Variants in IKZF2 observed in about 807,000 individuals in gnomAD.
The protein encoded by IKZF2 is zinc finger protein Helios.
In IKZF2, 15 loss-of-function variants were observed where a neutral mutation model predicts 49.2. That is an observed-to-expected ratio of 0.30 (90% CI 0.20 to 0.47). The LOEUF (loss-of-function observed/expected upper bound fraction) is 0.47, where lower values mean the gene tolerates loss of function less well. Among genes scored for constraint, IKZF2 ranks in the 20% least tolerant of loss-of-function variants. IKZF2 has a pLI of 1.00. For missense variants in IKZF2, 567 were observed against 664.6 expected, an observed-to-expected ratio of 0.85 and a Z score of 1.61; for synonymous variants, 227 against 221.4, an observed-to-expected ratio of 1.03 and a Z score of -0.23.
At chr2:213,079,548 G>T (rs1703695542) in intron 4 of IKZF2, among the ~76,000 whole-genome samples, 1 of 136,118 alleles carries the variant, frequency 7.3e-6, no homozygotes, top group East Asian at 2.2e-4. Context: ...GGGAAGGAAG[G>T]AGAAAGGGGA....
At chr2:213,053,381 TA>T (rs1700855174) in intron 5 of IKZF2, among the ~76,000 whole-genome samples, 1 of 152,200 alleles carries the variant, frequency 6.6e-6, no homozygotes. Flanking sequence ...TGGAATATCT[TA>T]TATTTCAATA....
intron 4 of IKZF2, among the ~76,000 whole-genome samples, chr2:213,120,774 G>A (rs1055322829): frequency 5.3e-5 from 8 of 151,974 alleles, no homozygotes; most frequent in South Asian, 2.1e-4. Flanking sequence ...AGACAGTCTC[G>A]TAGTAACCCA....
At chr2:213,131,081 T>C (rs1294327113) in intron 4 of IKZF2, among the ~76,000 whole-genome samples, 1 of 152,122 alleles carries the variant, frequency 6.6e-6, no homozygotes, top group African/African-American at 2.4e-5. Context: ...AGAATTCAAC[T>C]GAGGGGGAAT....
rs1695087470 is a variant in IKZF2 at position 213,003,647 on chromosome 2, G to A, written c.*3713C>T. ...TGGAGATAGGATGAAATAAAATTTG[G>A]AAGATAGTGAGAACATAATAATTTT... On this transcript the variant is annotated 3_prime_UTR_variant, in exon 9 of 9. Transcript: ENST00000434687. The A allele has an allele frequency of 6.6e-6, 1 of 151,538 alleles. No homozygotes were observed. The highest frequency in any genetic ancestry group is 1.5e-5 in the Non-Finnish European group (1 of 67,636). 9.4% of individuals were successfully genotyped at this position (151,538 alleles called of 1,614,324 possible). A position where few individuals can be genotyped will look rare whatever the true frequency, so the allele number is the denominator to read the frequency against.
At chr2:213,055,267 A>C (rs1047476299) in intron 5 of IKZF2, among the ~76,000 whole-genome samples, 1 of 152,014 alleles carries the variant, frequency 6.6e-6, no homozygotes, top group Non-Finnish European at 1.5e-5. Flanking sequence ...TTGTTTTTAG[A>C]ACTGTCGTTA....
intron 4 of IKZF2, among the ~76,000 whole-genome samples, chr2:213,143,286 AAG>A (rs2060935029): frequency 6.6e-6 from 1 of 151,958 alleles, no homozygotes; most frequent in Non-Finnish European, 1.5e-5. Flanking sequence ...ATTTTGAACA[AAG>A]ATAGAGATGA....
chr2:213,103,797 A>G (rs1329164558), intron 4 of IKZF2, among the ~76,000 whole-genome samples: 1 of 37,286 alleles, frequency 2.7e-5, no homozygotes, highest in Non-Finnish European at 5.6e-5. Flanking sequence ...AACAACTGTT[A>G]CAGAAATAAA....
chr2:213,089,249 C>T (rs1705022157), intron 4 of IKZF2, among the ~76,000 whole-genome samples: 1 of 152,144 alleles, frequency 6.6e-6, no homozygotes, highest in Non-Finnish European at 1.5e-5. Flanking sequence ...GTCCAACAGG[C>T]TCTACTTACA....
chr2:213,125,728 C>A (rs926898338), intron 4 of IKZF2, among the ~76,000 whole-genome samples: 1 of 151,924 alleles, frequency 6.6e-6, no homozygotes, highest in African/African-American at 2.4e-5. Flanking sequence ...ATAGAAACAA[C>A]CTAAATGTCC....
Position 213,136,490 on chromosome 2 carries a change from A to T in IKZF2, c.139+11218T>A, listed in dbSNP as rs191615078. Reference sequence around the variant, plus strand: ...GTAAAATAGTATTCAATAAATCTGAAGATATCATTTGTACATGAAAATGCC... The same window carrying T: ...GTAAAATAGTATTCAATAAATCTGATGATATCATTTGTACATGAAAATGCC... On this transcript the variant is annotated intron_variant, in intron 4 of 8. Coordinates refer to ENST00000434687, the MANE Select transcript of IKZF2 (RefSeq NM_001387220.1). Among the ~76,000 whole-genome samples, 14 of 152,190 alleles carry T rather than the reference A, an allele frequency of 9.2e-5. No homozygotes were observed. In the East Asian group the frequency reaches 2.1e-3, roughly 23 times the overall value.
In IKZF2 at chr2:213,111,835, G is replaced by T. The variant is rs369627996; in HGVS notation, c.139+35873C>A. The stretch of plus-strand genomic sequence containing the variant: ...GAAAATCATATGATTGTTCTCTTTA[G>T]TTTAATATGATAAATATTAGATTTC... On this transcript the variant is annotated intron_variant, in intron 4 of 8. Coordinates refer to ENST00000434687, the MANE Select transcript of IKZF2 (RefSeq NM_001387220.1). Among the ~76,000 whole-genome samples, 79 of 152,154 alleles carry T rather than the reference G, an allele frequency of 5.2e-4. No homozygotes were observed. In the South Asian group the frequency reaches 0.016, roughly 31 times the overall value.
At chr2:213,080,221 C>A (rs918461909) in intron 4 of IKZF2, among the ~76,000 whole-genome samples, 1 of 72,560 alleles carries the variant, frequency 1.4e-5, no homozygotes, top group African/African-American at 5.7e-5. Flanking sequence ...GATATCTTGT[C>A]ATATTCTGTT....
At chr2:213,135,059 GA>G (rs2125915874) in intron 4 of IKZF2, among the ~76,000 whole-genome samples, 1 of 152,186 alleles carries the variant, frequency 6.6e-6, no homozygotes, top group East Asian at 1.9e-4. Context: ...CAACATACCA[GA>G]ATTGTCTTGC....
At chr2:213,015,013 T>C (rs1559164263) in intron 7 of IKZF2, 1 of 151,992 alleles carries the variant, frequency 6.6e-6, no homozygotes, top group Non-Finnish European at 1.5e-5. Context: ...ATAGTCCCAC[T>C]GTGTACAAAA....
intron 5 of IKZF2, among the ~76,000 whole-genome samples, chr2:213,051,713 G>A (rs933214987): frequency 2.0e-5 from 3 of 151,756 alleles, no homozygotes; most frequent in Non-Finnish European, 2.9e-5. Context: ...GAAAGATGGA[G>A]GCACTTCTTT....
chr2:213,026,750 T>C (rs1377623122), intron 6 of IKZF2, among the ~76,000 whole-genome samples: 1 of 152,130 alleles, frequency 6.6e-6, no homozygotes, highest in Non-Finnish European at 1.5e-5. Flanking sequence ...TGAGTTATTT[T>C]ATACACTGTT....
rs1303031815 is a variant in IKZF2 at position 213,056,943 on chromosome 2, A to G, written c.296T>C (p.Leu99Pro). Reference sequence around the variant, plus strand: ...AAGCCGGATTCCTCCCTCGCCTTGAAGCTCCTGGACTTTCCTGTTGTCAGC... The same window carrying G: ...AAGCCGGATTCCTCCCTCGCCTTGAGGCTCCTGGACTTTCCTGTTGTCAGC... ...EVADNRKVQE[L>P]QGEGGIRLPN... The change falls in exon 5 of 9, where the codon CTT becomes CCT. Residue 99 changes from leucine (L) to proline (P), a missense_variant. Coordinates refer to ENST00000434687, the MANE Select transcript of IKZF2 (RefSeq NM_001387220.1). 1 of 1,613,650 alleles carries G rather than the reference A, an allele frequency of 6.2e-7. No homozygotes were observed. The highest frequency in any genetic ancestry group is 8.5e-7 in the Non-Finnish European group (1 of 1,179,846).
At chr2:213,030,535 C>G (rs1440565452) in intron 6 of IKZF2, among the ~76,000 whole-genome samples, 1 of 151,970 alleles carries the variant, frequency 6.6e-6, no homozygotes, top group Non-Finnish European at 1.5e-5. Context: ...TTAAACAAGT[C>G]TGTGAGACAG....
At chr2:213,139,264 T>A (rs546097176) in intron 4 of IKZF2, among the ~76,000 whole-genome samples, 83 of 152,066 alleles carry the variant, frequency 5.5e-4, no homozygotes, top group African/African-American at 1.6e-3. Context: ...TCAGAAGTAT[T>A]TTGGTTGAAC....
Sources: gnomAD v4.1 joint callset for allele counts (sites outside exome capture counted in the v4.1 genomes callset) on GRCh38, gnomAD v4.1.1 for gene constraint, MANE v1.5 for transcripts, NCBI Gene and HGNC (gene_info 2026-07-23, HGNC 2026-07-21) for gene names.